Variants in SNED1 observed in about 807,000 individuals in gnomAD.
The protein encoded by SNED1 is sushi, nidogen and EGF like domains 1.
A neutral mutation model predicts 166.7 loss-of-function variants in SNED1; 81 were observed. The ratio of observed to expected loss-of-function variants is 0.49; its 90% CI spans 0.41 to 0.58. The LOEUF (loss-of-function observed/expected upper bound fraction) is 0.58, where lower values mean the gene tolerates loss of function less well. SNED1 is among the 20% of genes least tolerant of loss of function. The pLI, the probability that SNED1 is intolerant of heterozygous loss-of-function variation, is 0.00. For synonymous variants in SNED1, 762 were observed against 822.0 expected (o/e 0.93, Z 1.25); for missense variants, 1,604 against 2,000.2 (o/e 0.80, Z 3.78).
intron 31 of SNED1, among the ~76,000 whole-genome samples, chr2:241,090,868 CAAAA>C (rs371271027): frequency 4.0e-5 from 4 of 100,782 alleles, no homozygotes; most frequent in Non-Finnish European, 4.2e-5. Context: ...CCCTCTGTCT[CAAAA>C]AAAAAAAAAA....
chr2:241,011,507 C>T (rs1326547459), intron 1 of SNED1, among the ~76,000 whole-genome samples: 1 of 152,234 alleles, frequency 6.6e-6, no homozygotes, highest in Non-Finnish European at 1.5e-5. Context: ...CCGCACTGTT[C>T]CTCTACGAGT....
At position 241,018,147 on chromosome 2, in the gene SNED1, GT is replaced by G. The variant is rs1030497026; in HGVS notation, c.214-12136del. On this transcript the variant is annotated intron_variant, in intron 1 of 31. Transcript: ENST00000310397. The surrounding 1 kb of genome is among the most constrained non-coding windows in gnomAD (Gnocchi z 5.4). ...GAGAACCGCCATTCGCCTTGCCGTG[GT>G]CCCTGCTGTGCTGATTTGGTTAAGT... Among the ~76,000 whole-genome samples the G allele has an allele frequency of 2.6e-5, 4 of 152,196 alleles. No individual in the cohort carries two copies. Among genetic ancestry groups the G allele is most frequent in the African/African-American group, 9.7e-5 (4 of 41,438 alleles).
At chr2:241,019,629 G>A (rs902988849) in intron 1 of SNED1, among the ~76,000 whole-genome samples, 6 of 152,190 alleles carry the variant, frequency 3.9e-5, no homozygotes, top group East Asian at 1.9e-4. Context: ...TCATCGCCTC[G>A]TCCACAATGA....
Position 241,083,174 on chromosome 2 carries a change from G to C in SNED1, c.4121+810G>C, listed in dbSNP as rs2063414222. On this transcript the variant is annotated intron_variant, in intron 29 of 31. Coordinates refer to ENST00000310397, the MANE Select transcript of SNED1 (RefSeq NM_001080437.3). The stretch of plus-strand genomic sequence containing the variant: ...GAGCCTGCTGGGGATGGGCAGGGCT[G>C]GTGCAGCAAGAGGGCAGCCTCCTGG... Among the ~76,000 whole-genome samples the C allele has an allele frequency of 3.3e-5, 5 of 152,190 alleles. No individual in the cohort carries two copies. The South Asian group carries it at 1.0e-3, about 32-fold the overall frequency.
At chr2:241,014,635 G>T (rs1190269576) in intron 1 of SNED1, among the ~76,000 whole-genome samples, 1 of 152,094 alleles carries the variant, frequency 6.6e-6, no homozygotes, top group East Asian at 1.9e-4. Flanking sequence ...ATTCGTGGGG[G>T]TTCTTGGTAA....
Position 241,091,390 on chromosome 2 carries a change from G to A in SNED1, c.*2-248G>A, listed in dbSNP as rs1334509323. Among the ~76,000 whole-genome samples the A allele has an allele frequency of 4.6e-5, 6 of 130,794 alleles. No individual in the cohort carries two copies. Among genetic ancestry groups the A allele is most frequent in the African/African-American group, 1.4e-4 (4 of 27,806 alleles). 85.8% of individuals were successfully genotyped at this position (130,794 alleles called of 152,430 possible). A position where few individuals can be genotyped will look rare whatever the true frequency, so the allele number is the denominator to read the frequency against. On this transcript the variant is annotated intron_variant, in intron 31 of 31. Transcript: ENST00000310397. The surrounding 1 kb of genome is among the most constrained non-coding windows in gnomAD (Gnocchi z 4.1). ...TGAGCCCACATGTTCCTAAAGATGG[G>A]GATGTAGTCGGTGGAGGCTGCCCCT...
At chr2:241,050,102 C>T in intron 12 of SNED1, 169 bp downstream of exon 12, 1 of 683,656 alleles carries the variant, frequency 1.5e-6, no homozygotes, top group Non-Finnish European at 2.7e-6. Flanking sequence ...GAGCACCTCA[C>T]TGTTTGGATG....
At chr2:241,085,154 T>C (rs1304326602) in intron 29 of SNED1, among the ~76,000 whole-genome samples, 2 of 152,234 alleles carry the variant, frequency 1.3e-5, no homozygotes, top group Non-Finnish European at 2.9e-5. Flanking sequence ...GTTTTAATTT[T>C]GTCAAACTTC....
rs1204715124 is a variant in SNED1, at chr2:241,018,712, G to A, written c.214-11572G>A. The stretch of plus-strand genomic sequence containing the variant: ...CCCAGGCTGGCACCCACAGACCACC[G>A]CAGATGAACCCAGCTAGCAGTGCCG... On this transcript the variant is annotated intron_variant, in intron 1 of 31. Coordinates refer to ENST00000310397, the MANE Select transcript of SNED1 (RefSeq NM_001080437.3). This position sits in a 1 kb window ranked among gnomAD's most constrained non-coding sequence, Gnocchi z 5.4. Among the ~76,000 whole-genome samples, 3 of 152,266 alleles carry A rather than the reference G, an allele frequency of 2.0e-5. No homozygotes were observed. Among genetic ancestry groups the A allele is most frequent in the Admixed American group, 6.5e-5 (1 of 15,304 alleles).
At chr2:241,053,075 G>C in intron 15 of SNED1, 78 bp from the exon 16 acceptor site, 2 of 1,406,752 alleles carry the variant, frequency 1.4e-6, no homozygotes, top group Non-Finnish European at 1.9e-6. Context: ...CCCTGCAGTC[G>C]GGTCGGGCAG....
At chr2:241,070,301 C>A in intron 24 of SNED1, 100 bp downstream of exon 24, 2 of 1,270,366 alleles carry the variant, frequency 1.6e-6, no homozygotes, top group Non-Finnish European at 2.1e-6. Context: ...GGATGCCAGG[C>A]AGACAGCCTA....
intron 1 of SNED1, among the ~76,000 whole-genome samples, chr2:241,002,826 C>T (rs1237849304): frequency 2.0e-5 from 3 of 152,050 alleles, no homozygotes; most frequent in Non-Finnish European, 4.4e-5. Context: ...CTCCCTGGCG[C>T]CCACCCATCT....
intron 27 of SNED1, among the ~76,000 whole-genome samples, chr2:241,076,540 T>C (rs939293027): frequency 3.9e-5 from 6 of 152,224 alleles, no homozygotes; most frequent in African/African-American, 1.4e-4. Flanking sequence ...TCTATATATA[T>C]ATAAAATCAT....
intron 1 of SNED1, among the ~76,000 whole-genome samples, chr2:241,026,426 T>C (rs541793174): frequency 2.0e-5 from 3 of 152,360 alleles, no homozygotes; most frequent in African/African-American, 7.2e-5. Context: ...CCTTTCCTTC[T>C]GGTGCTCCAA....
intron 24 of SNED1, among the ~76,000 whole-genome samples, chr2:241,070,720 G>C (rs1035361239): frequency 6.6e-6 from 1 of 152,240 alleles, no homozygotes; most frequent in Non-Finnish European, 1.5e-5. Context: ...CAAGTGCAGG[G>C]GTGGCCCTTC....
chr2:241,090,347 G>A (rs1299960969), intron 31 of SNED1: 1 of 1,550,226 alleles, frequency 6.5e-7, no homozygotes, highest in Admixed American at 2.0e-5. Context: ...ACATGGAGCT[G>A]CCACCTCCTG....
Position 241,034,704 on chromosome 2 carries a change from T to C in SNED1, c.779T>C (p.Val260Ala), listed in dbSNP as rs938442095. The C allele has an allele frequency of 5.0e-6, 8 of 1,588,558 alleles. No individual in the cohort carries two copies. Among genetic ancestry groups the C allele is most frequent in the Non-Finnish European group, 6.8e-6 (8 of 1,168,378 alleles). Residue 260 changes from valine to alanine, a missense_variant, in exon 4 of 32, where the codon GTG becomes GCG. By Grantham distance (64) the Val-to-Ala change is moderately conservative. Transcript: ENST00000310397. ...GCGTTCAGAATCGATGATGCCCAGG[T>C]GCGCGTGGGGGGCTGCGGCCATACA... ...RWAFRIDDAQVRVGGCGHTTS... is the reference protein window; with the variant it reads ...RWAFRIDDAQARVGGCGHTTS...
At chr2:241,048,537 A>G in intron 9 of SNED1, 97 bp downstream of exon 9, 4 of 1,501,766 alleles carry the variant, frequency 2.7e-6, no homozygotes, top group Non-Finnish European at 3.6e-6. Context: ...CCCGAAAAGA[A>G]ACGTGTGAGT....
chr2:241,087,414 C>T lies in SNED1; in HGVS notation c.4144C>T (p.His1382Tyr), dbSNP rs752479794. ...HHVYKRVYRV[H>Y]QDICFKESCE... ...CAGGTATAAAAGAGTCTACCGAGTT[C>T]ACCAAGACATCTGCTTCAAAGAGAG... Residue 1382 changes from histidine to tyrosine, a missense_variant, in exon 30 of 32, where the codon CAC becomes TAC. Transcript: ENST00000310397. The T allele has an allele frequency of 3.4e-5, 55 of 1,602,864 alleles. No homozygotes were observed. The highest frequency in any genetic ancestry group is 4.7e-5 in the Non-Finnish European group (55 of 1,174,738).
Sources: allele counts gnomAD v4.1 joint callset (sites outside exome capture counted in the v4.1 genomes callset), GRCh38; gene constraint gnomAD v4.1.1; non-coding constraint Gnocchi (gnomAD v3.1); transcripts MANE v1.5; gene names NCBI Gene and HGNC (gene_info 2026-07-23, HGNC 2026-07-21).